Variants in KCNK12 observed in about 807,000 individuals in gnomAD.
The protein encoded by KCNK12 is potassium channel subfamily K member 12.
A neutral mutation model predicts 25.3 loss-of-function variants in KCNK12; 6 were observed. The observed-to-expected ratio is 0.24, with a 90% CI of 0.13 to 0.47. KCNK12 has a LOEUF of 0.47. KCNK12 is among the 20% of genes least tolerant of loss of function. KCNK12 has a pLI of 0.99. For missense variants in KCNK12, 444 were observed against 661.7 expected (o/e 0.67, Z 3.61); for synonymous variants, 331 against 311.1 (o/e 1.06, Z -0.67).
rs1668541615 is a variant in KCNK12, at chr2:47,517,022, T to C, written c.*3885A>G. 1 of 152,012 alleles carries C rather than the reference T, an allele frequency of 6.6e-6. No individual in the cohort carries two copies. The highest frequency in any genetic ancestry group is 1.5e-5 in the Non-Finnish European group (1 of 67,992). 9.4% of individuals were successfully genotyped at this position (152,012 alleles called of 1,614,324 possible). On this transcript the variant is annotated 3_prime_UTR_variant, in exon 2 of 2. Coordinates refer to ENST00000327876, the MANE Select transcript of KCNK12 (RefSeq NM_022055.2). This position sits in a 1 kb window ranked among gnomAD's most constrained non-coding sequence, Gnocchi z 4.1. ...GCCTTGAGTCACCACCAGCACATTA[T>C]ACAACAATACAAGAACCCTGCAACA...
chr2:47,551,970 C>T lies in KCNK12; in HGVS notation c.391+17971G>A, dbSNP rs969321004. On this transcript the variant is annotated intron_variant, in intron 1 of 1. Transcript: ENST00000327876. This position sits in a 1 kb window ranked among gnomAD's most constrained non-coding sequence, Gnocchi z 5.3. Reference sequence around the variant, plus strand: ...GCTGGGCCTCCTCCTGAAGGGCCTGCATCACCTCCTTCCTTCTTGTTTGGC... The same window carrying T: ...GCTGGGCCTCCTCCTGAAGGGCCTGTATCACCTCCTTCCTTCTTGTTTGGC... Among the ~76,000 whole-genome samples, 1 of 152,164 alleles carries T rather than the reference C, an allele frequency of 6.6e-6. No individual in the cohort carries two copies. Among genetic ancestry groups the T allele is most frequent in the Non-Finnish European group, 1.5e-5 (1 of 68,024 alleles).
At chr2:47,568,164 C>T (rs979361458) in intron 1 of KCNK12, among the ~76,000 whole-genome samples, 2 of 152,108 alleles carry the variant, frequency 1.3e-5, no homozygotes, top group African/African-American at 4.8e-5. Context: ...GTGCTATGAC[C>T]ACCCAATATG....
intron 1 of KCNK12, chr2:47,564,879 G>A (rs932991447): frequency 6.6e-6 from 1 of 152,330 alleles, no homozygotes; most frequent in Non-Finnish European, 1.5e-5. Flanking sequence ...TAGTTGATGA[G>A]ACTGGGCATG....
At chr2:47,544,775 C>T (rs1669276683) in intron 1 of KCNK12, among the ~76,000 whole-genome samples, 1 of 152,306 alleles carries the variant, frequency 6.6e-6, no homozygotes, top group African/African-American at 2.4e-5. Flanking sequence ...GATGCAGTTG[C>T]ACTTATAACA....
rs999325696 is a variant in KCNK12, at chr2:47,547,974, TC to T, written c.391+21966del. 5.9e-5 allele frequency among the ~76,000 whole-genome samples: 9 copies of T among 152,096 alleles called. No homozygotes were observed. The highest frequency in any genetic ancestry group is 1.9e-4 in the African/African-American group (8 of 41,404). ...AGTGATTGGAACATGGGGGTGGATT[TC>T]CCCCTTGCCGTTCTCATGATAGTAA... On this transcript the variant is annotated intron_variant, in intron 1 of 1. Transcript: ENST00000327876. This position sits in a 1 kb window ranked among gnomAD's most constrained non-coding sequence, Gnocchi z 5.0.
At chr2:47,567,264 G>C (rs1454794563) in intron 1 of KCNK12, 1 of 152,190 alleles carries the variant, frequency 6.6e-6, no homozygotes, top group Non-Finnish European at 1.5e-5. Flanking sequence ...ATAAAACTGA[G>C]TATGTGCTAA....
At chr2:47,553,823 C>T (rs916074948) in intron 1 of KCNK12, among the ~76,000 whole-genome samples, 2 of 152,182 alleles carry the variant, frequency 1.3e-5, no homozygotes, top group Non-Finnish European at 2.9e-5. Flanking sequence ...TTAAGGCAGG[C>T]TGGTCCTGAC....
chr2:47,562,281 A>C lies in KCNK12; in HGVS notation c.391+7660T>G. Reference sequence around the variant, plus strand: ...TGGTCTGTAACATCTGTTGCTGTTGAGTATAAAGACACTGTGAACATTGTA... The same window carrying C: ...TGGTCTGTAACATCTGTTGCTGTTGCGTATAAAGACACTGTGAACATTGTA... On this transcript the variant is annotated intron_variant, in intron 1 of 1. Coordinates refer to ENST00000327876, the MANE Select transcript of KCNK12 (RefSeq NM_022055.2). This position sits in a 1 kb window ranked among gnomAD's most constrained non-coding sequence, Gnocchi z 4.8. 1 of 396,348 alleles carries C rather than the reference A, an allele frequency of 2.5e-6. No homozygotes were observed. Among genetic ancestry groups the C allele is most frequent in the Non-Finnish European group, 4.4e-6 (1 of 225,186 alleles). The allele number at this position is 396,348 out of a possible 1,614,324, so 24.6% of individuals were successfully genotyped here. A position where few individuals can be genotyped will look rare whatever the true frequency, so the allele number is the denominator to read the frequency against.
intron 1 of KCNK12, among the ~76,000 whole-genome samples, chr2:47,524,697 G>A (rs1668730925): frequency 2.0e-5 from 3 of 152,166 alleles, no homozygotes; most frequent in African/African-American, 7.2e-5. Context: ...TTACATGTGT[G>A]TTAGCTGTGT....
At chr2:47,561,240 G>T (rs926018944) in intron 1 of KCNK12, among the ~76,000 whole-genome samples, 2 of 152,180 alleles carry the variant, frequency 1.3e-5, no homozygotes, top group Admixed American at 6.5e-5. Flanking sequence ...CTCCGGGTGT[G>T]GGGGGCAGAG....
rs1257749744 is a variant in KCNK12 at position 47,521,771 on chromosome 2, C to T, written c.429G>A (p.Lys143=). ...GMTTPATVGG[K]AFLIAYGLFG... ...ACAGCCCGTAGGCGATGAGGAAGGC[C>T]TTCCCGCCCACCGTCGCGGGGGTGG... The change falls in exon 2 of 2, where the codon AAG becomes AAA. Residue 143 remains lysine, a synonymous_variant. Coordinates refer to ENST00000327876, the MANE Select transcript of KCNK12 (RefSeq NM_022055.2). 6.5e-7 allele frequency: 1 copy of T among 1,536,190 alleles called. No homozygotes were observed. Among genetic ancestry groups the T allele is most frequent in the South Asian group, 1.3e-5 (1 of 77,290 alleles).
Position 47,521,533 on chromosome 2 carries a change from A to C in KCNK12, c.667T>G (p.Phe223Val). The C allele has an allele frequency of 6.4e-7, 1 of 1,569,954 alleles. No homozygotes were observed. Among genetic ancestry groups the C allele is most frequent in the Non-Finnish European group, 8.6e-7 (1 of 1,157,742 alleles). ...GCGCAGCAGGACAGCAGCACGGCGA[A>C]CAGGCCCAGGATGAGCAGCACGTGG... ...VYHVLLILGL[F>V]AVLLSCCASA... Residue 223 changes from phenylalanine to valine, a missense_variant, in exon 2 of 2, where the codon TTC (phenylalanine) becomes GTC (valine). By Grantham distance (50) the Phe-to-Val change is conservative (BLOSUM62 -1). This residue lies in a region of KCNK12 where 56 missense variants were observed against 135.7 expected (regional missense o/e 0.41). Transcript: ENST00000327876.
rs1668570244 is a variant in KCNK12, at chr2:47,518,264, A to C, written c.*2643T>G. 1 of 152,338 alleles carries C rather than the reference A, an allele frequency of 6.6e-6. No individual in the cohort carries two copies. The highest frequency in any genetic ancestry group is 1.5e-5 in the Non-Finnish European group (1 of 68,158). 9.4% of individuals were successfully genotyped at this position (152,338 alleles called of 1,614,324 possible). A position where few individuals can be genotyped will look rare whatever the true frequency, so the allele number is the denominator to read the frequency against. ...TTGGGGGATGGGGACAGGGGAACATAGGCAAAAATACACATGTGCCACTGG... is the reference window on the plus strand; with the variant it reads ...TTGGGGGATGGGGACAGGGGAACATCGGCAAAAATACACATGTGCCACTGG... On this transcript the variant is annotated 3_prime_UTR_variant, in exon 2 of 2. Coordinates refer to ENST00000327876, the MANE Select transcript of KCNK12 (RefSeq NM_022055.2). The surrounding 1 kb of genome is among the most constrained non-coding windows in gnomAD (Gnocchi z 4.1).
chr2:47,549,663 C>G (rs377370659), intron 1 of KCNK12, among the ~76,000 whole-genome samples: 1 of 152,038 alleles, frequency 6.6e-6, no homozygotes, highest in Admixed American at 6.5e-5. Flanking sequence ...GGGCTGGGTG[C>G]GGTGGCTCAC....
chr2:47,565,844 G>A lies in KCNK12; in HGVS notation c.391+4097C>T, dbSNP rs1257059011. 6.6e-6 allele frequency: 1 copy of A among 152,232 alleles called. No homozygotes were observed. Among genetic ancestry groups the A allele is most frequent in the African/African-American group, 2.4e-5 (1 of 41,456 alleles). 9.4% of individuals were successfully genotyped at this position (152,232 alleles called of 1,614,324 possible). A position where few individuals can be genotyped will look rare whatever the true frequency, so the allele number is the denominator to read the frequency against. ...AAGACAGTTATCTTTATCTTTAGGA[G>A]TTCATACAATCACAGGAAGTGCAGA... On this transcript the variant is annotated intron_variant, in intron 1 of 1. Coordinates refer to ENST00000327876, the MANE Select transcript of KCNK12 (RefSeq NM_022055.2). The surrounding 1 kb of genome is among the most constrained non-coding windows in gnomAD (Gnocchi z 5.0).
chr2:47,520,965 C>A lies in KCNK12; in HGVS notation c.1235G>T (p.Gly412Val). 1 of 1,308,742 alleles carries A rather than the reference C, an allele frequency of 7.6e-7. No homozygotes were observed. The highest frequency in any genetic ancestry group is 9.7e-7 in the Non-Finnish European group (1 of 1,025,850). 81.1% of individuals were successfully genotyped at this position (1,308,742 alleles called of 1,614,324 possible). Reference protein sequence around the residue: ...VNTRQNGFSGGVGALGIMNNR... With the variant: ...VNTRQNGFSGVVGALGIMNNR... Reference sequence around the variant, plus strand: ...GTTCATGATGCCCAGCGCGCCCACGCCGCCCGAGAAGCCGTTCTGGCGCGT... The same window carrying A: ...GTTCATGATGCCCAGCGCGCCCACGACGCCCGAGAAGCCGTTCTGGCGCGT... The change falls in exon 2 of 2, where the codon GGC (glycine) becomes GTC (valine). Residue 412 changes from glycine to valine, a missense_variant. By Grantham distance (109) the Gly-to-Val change is moderately radical (BLOSUM62 -3). Coordinates refer to ENST00000327876, the MANE Select transcript of KCNK12 (RefSeq NM_022055.2). The surrounding 1 kb of genome is among the most constrained non-coding windows in gnomAD (Gnocchi z 5.0).
intron 1 of KCNK12, among the ~76,000 whole-genome samples, chr2:47,559,563 T>C (rs1006316400): frequency 1.3e-5 from 2 of 152,238 alleles, no homozygotes; most frequent in Non-Finnish European, 2.9e-5. Context: ...ATTCAATGCA[T>C]AGCTGCTGCC....
At chr2:47,564,171 T>C (rs1669743691) in intron 1 of KCNK12, 1 of 231,760 alleles carries the variant, frequency 4.3e-6, no homozygotes, top group African/African-American at 2.2e-5. Flanking sequence ...ACCAAGTGGA[T>C]GTGCGGCCCC....
At chr2:47,544,939 T>A (rs907647867) in intron 1 of KCNK12, among the ~76,000 whole-genome samples, 3 of 152,220 alleles carry the variant, frequency 2.0e-5, no homozygotes, top group Non-Finnish European at 4.4e-5. Context: ...GGAGTACTAT[T>A]TTAGTGGTGA....
Sources: allele counts gnomAD v4.1 joint callset (sites outside exome capture counted in the v4.1 genomes callset), GRCh38; gene constraint gnomAD v4.1.1; regional missense constraint gnomAD v4.1.1; non-coding constraint Gnocchi (gnomAD v3.1); transcripts MANE v1.5; gene names NCBI Gene and HGNC (gene_info 2026-07-23, HGNC 2026-07-21).